The following PIGN variants were observed in gnomAD, a reference collection of about 807,000 sequenced individuals.
The protein encoded by PIGN is phosphatidylinositol glycan anchor biosynthesis class N, also known as GPI ethanolamine phosphate transferase 1.
A neutral mutation model predicts 125.4 loss-of-function variants in PIGN; 117 were observed. The ratio of observed to expected loss-of-function variants is 0.93; its 90% CI spans 0.80 to 1.09. The LOEUF (loss-of-function observed/expected upper bound fraction) is 1.09, where lower values mean the gene tolerates loss of function less well. PIGN is among the 50% of genes least tolerant of loss of function. The pLI is 0.00. For synonymous variants in PIGN, 392 were observed against 377.8 expected, an observed-to-expected ratio of 1.04 and a Z score of -0.44; for missense variants, 1,075 against 1,094.9, an observed-to-expected ratio of 0.98 and a Z score of 0.26.
At chr18:62,059,854 A>G (rs1568128008) in intron 30 of PIGN, among the ~76,000 whole-genome samples, 1 of 152,230 alleles carries the variant, frequency 6.6e-6, no homozygotes, top group Non-Finnish European at 1.5e-5. Context: ...GAATAAAAAC[A>G]AAGAAAGAAA....
At chr18:62,088,549 A>C in intron 25 of PIGN, 1 of 255,566 alleles carries the variant, frequency 3.9e-6, no homozygotes. Flanking sequence ...AATAGCAGGA[A>C]TATATATATA....
At chr18:62,169,763 G>C (rs569594179) in intron 1 of PIGN, among the ~76,000 whole-genome samples, 1 of 152,190 alleles carries the variant, frequency 6.6e-6, no homozygotes, top group South Asian at 2.1e-4. Context: ...TGGGACCACA[G>C]GTGAGAGCCA....
chr18:62,110,343 A>G (rs2034828070), intron 16 of PIGN, among the ~76,000 whole-genome samples: 1 of 152,162 alleles, frequency 6.6e-6, no homozygotes, highest in South Asian at 2.1e-4. Context: ...ATCCATAATA[A>G]GGTATGGGAC....
At chr18:62,174,701 ATAT>A (rs768732583) in intron 1 of PIGN, among the ~76,000 whole-genome samples, 6 of 152,108 alleles carry the variant, frequency 3.9e-5, no homozygotes, top group African/African-American at 7.2e-5. Context: ...TAAATTCCCA[ATAT>A]TATTAATTAA....
chr18:62,049,676 T>C (rs1030501623), intron 30 of PIGN, among the ~76,000 whole-genome samples: 1 of 149,932 alleles, frequency 6.7e-6, no homozygotes, highest in African/African-American at 2.4e-5. Flanking sequence ...GGTAGTTTCT[T>C]TTGCTGTGAA....
rs985502692 is a variant in PIGN, at chr18:62,116,561, T to A, written c.1173-1922A>T. The stretch of plus-strand genomic sequence containing the variant: ...CTCTTTGCTTTCTAAAATCAAATAT[T>A]CATCATCCTTTATGGTCTACTCCAA... On this transcript the variant is annotated intron_variant, in intron 14 of 30. Coordinates refer to ENST00000640252, the MANE Select transcript of PIGN (RefSeq NM_176787.5). Among the ~76,000 whole-genome samples the A allele has an allele frequency of 2.0e-5, 3 of 152,214 alleles. No homozygotes were observed. The South Asian group carries it at 6.2e-4, about 31-fold the overall frequency.
chr18:62,046,692 T>C (rs1173542519), intron 30 of PIGN, among the ~76,000 whole-genome samples: 1 of 151,948 alleles, frequency 6.6e-6, no homozygotes, highest in Non-Finnish European at 1.5e-5. Context: ...AAAATGTAAA[T>C]GCCATGTAAA....
At chr18:62,035,648 G>A (rs1158220004) in intron 23 of PIGN, among the ~76,000 whole-genome samples, 6 of 151,952 alleles carry the variant, frequency 3.9e-5, no homozygotes, top group Admixed American at 3.3e-4. Context: ...TTTACATTAG[G>A]TATATCTCCT....
chr18:62,134,177 G>A (rs969057958), intron 14 of PIGN, among the ~76,000 whole-genome samples: 9 of 151,892 alleles, frequency 5.9e-5, no homozygotes, highest in African/African-American at 1.7e-4. Flanking sequence ...GGTGGATCAC[G>A]AGGTCAGGAG....
chr18:62,060,844 T>G (rs1327679283), intron 30 of PIGN, among the ~76,000 whole-genome samples: 1 of 152,216 alleles, frequency 6.6e-6, no homozygotes, highest in Non-Finnish European at 1.5e-5. Context: ...TTTTTTTCTC[T>G]AGTTTTAAAA....
chr18:62,084,352 G>A (rs1014189632), intron 27 of PIGN, among the ~76,000 whole-genome samples, 179 bp downstream of exon 27: 1 of 152,124 alleles, frequency 6.6e-6, no homozygotes, highest in African/African-American at 2.4e-5. Context: ...ATGCACTTAT[G>A]AGTAAAGCAA....
intron 14 of PIGN, among the ~76,000 whole-genome samples, chr18:62,130,850 G>A (rs563657069): frequency 1.3e-5 from 2 of 152,008 alleles, no homozygotes; most frequent in Non-Finnish European, 2.9e-5. Flanking sequence ...TATTTTAAGA[G>A]TATAAAGACA....
chr18:62,067,628 A>G (rs2032599857), intron 30 of PIGN, among the ~76,000 whole-genome samples: 1 of 152,224 alleles, frequency 6.6e-6, no homozygotes, highest in South Asian at 2.1e-4. Flanking sequence ...TCTGATAGTC[A>G]TCCATGTAGT....
chr18:62,171,901 T>G (rs566508881), intron 1 of PIGN, among the ~76,000 whole-genome samples: 20 of 152,316 alleles, frequency 1.3e-4, no homozygotes, highest in South Asian at 4.1e-4. Context: ...CAGCAAAGTT[T>G]ATGAAAGATA....
rs547042236 is a variant in PIGN at position 62,023,841 on chromosome 18, T to C, written c.2143-6100A>G. Among the ~76,000 whole-genome samples, 10 of 152,348 alleles carry C rather than the reference T, an allele frequency of 6.6e-5. 2 individuals carry two copies. The highest frequency in any genetic ancestry group is 2.4e-4 in the African/African-American group (10 of 41,574). On this transcript the variant is annotated intron_variant, in intron 23 of 24. Transcript: ENST00000639600. Reference sequence around the variant, plus strand: ...TGAAAGTTGTATGATTGGTCACTGATCATGATGTGCATCTCTTATTTGCAT... The same window carrying C: ...TGAAAGTTGTATGATTGGTCACTGACCATGATGTGCATCTCTTATTTGCAT...
intron 2 of PIGN, chr18:62,162,586 G>C (rs762569997): frequency 1.5e-4 from 23 of 152,186 alleles, no homozygotes; most frequent in Non-Finnish European, 2.4e-4. Context: ...AAACATGATA[G>C]AGCAAAAGGT....
chr18:62,155,553 G>C (rs1599649551), intron 6 of PIGN, among the ~76,000 whole-genome samples: 2 of 152,090 alleles, frequency 1.3e-5, no homozygotes, highest in East Asian at 3.9e-4. Context: ...TGGGCAACAA[G>C]GGCAAAACTC....
intron 25 of PIGN, 59 bp downstream of exon 25, chr18:62,088,697 T>C (rs2033822835): frequency 1.1e-6 from 1 of 894,990 alleles, no homozygotes; most frequent in Non-Finnish European, 1.8e-6. Flanking sequence ...CTTCCATGTC[T>C]TCTTACTCCA....
chr18:62,047,224 TG>T (rs2030796961), intron 30 of PIGN, among the ~76,000 whole-genome samples: 1 of 152,210 alleles, frequency 6.6e-6, no homozygotes, highest in Non-Finnish European at 1.5e-5. Flanking sequence ...CAGGCTATAA[TG>T]GGGCACTCTA....
Sources: gnomAD v4.1 joint callset for allele counts (sites outside exome capture counted in the v4.1 genomes callset) on GRCh38, gnomAD v4.1.1 for gene constraint, MANE v1.5 for transcripts, NCBI Gene and HGNC (gene_info 2026-07-23, HGNC 2026-07-21) for gene names.